The following ITFG1 variants were observed in gnomAD, a reference collection of about 807,000 sequenced individuals.
The protein encoded by ITFG1 is integrin alpha FG-GAP repeat containing 1.
ITFG1 carries 34 observed loss-of-function variants against 81.8 expected under a neutral mutation model. The observed-to-expected ratio is 0.42, with a 90% CI of 0.32 to 0.55. The LOEUF (loss-of-function observed/expected upper bound fraction) is 0.55, where lower values mean the gene tolerates loss of function less well. Among genes scored for constraint, ITFG1 ranks in the 20% least tolerant of loss-of-function variants. The probability of loss-of-function intolerance (pLI) is 0.17; values close to 1 mark genes in which losing one functional copy is unlikely to be tolerated. For missense variants in ITFG1, 672 were observed against 755.4 expected (o/e 0.89, Z 1.29); for synonymous variants, 285 against 270.6 (o/e 1.05, Z -0.52).
At chr16:47,294,735 T>C (rs1019128665) in intron 10 of ITFG1, among the ~76,000 whole-genome samples, 3 of 152,160 alleles carry the variant, frequency 2.0e-5, no homozygotes, top group Non-Finnish European at 4.4e-5. Flanking sequence ...ACTAGATTTG[T>C]TTATCAAAAC....
chr16:47,435,321 C>G (rs1477031780), intron 5 of ITFG1, among the ~76,000 whole-genome samples: 1 of 152,040 alleles, frequency 6.6e-6, no homozygotes, highest in African/African-American at 2.4e-5. Flanking sequence ...CATTTGAAGG[C>G]TAAGGTCACA....
chr16:47,363,887 C>A (rs1947383969), intron 8 of ITFG1, among the ~76,000 whole-genome samples: 1 of 152,052 alleles, frequency 6.6e-6, no homozygotes, highest in South Asian at 2.1e-4. Context: ...TTGGTACAGA[C>A]TTCTTGTCAC....
intron 13 of ITFG1, among the ~76,000 whole-genome samples, chr16:47,233,164 A>C (rs1965835498): frequency 1.3e-5 from 2 of 152,222 alleles, no homozygotes; most frequent in African/African-American, 4.8e-5. Context: ...TTGTCACTCT[A>C]GTTCTCATAA....
At chr16:47,352,465 T>C (rs959346535) in intron 8 of ITFG1, among the ~76,000 whole-genome samples, 1 of 152,118 alleles carries the variant, frequency 6.6e-6, no homozygotes, top group African/African-American at 2.4e-5. Context: ...AAAATGCTCA[T>C]CATCACTGGC....
chr16:47,339,884 AT>A (rs968144249), intron 8 of ITFG1, among the ~76,000 whole-genome samples: 2 of 152,088 alleles, frequency 1.3e-5, no homozygotes, highest in African/African-American at 4.8e-5. Context: ...TCCACATACG[AT>A]ACTCTCAAAG....
At chr16:47,395,533 ACT>A (rs1441895090) in intron 6 of ITFG1, among the ~76,000 whole-genome samples, 4 of 152,254 alleles carry the variant, frequency 2.6e-5, no homozygotes. Flanking sequence ...GAAAAAAGTA[ACT>A]AGTAAAAGTT....
At chr16:47,424,261 C>T in intron 6 of ITFG1, among the ~76,000 whole-genome samples, 1 of 152,146 alleles carries the variant, frequency 6.6e-6, no homozygotes, top group East Asian at 1.9e-4. Context: ...GTTCTCATGC[C>T]ATGGTTTTGC....
At chr16:47,376,053 A>G in intron 6 of ITFG1, 113 bp from the exon 7 acceptor site, 1 of 573,186 alleles carries the variant, frequency 1.7e-6, no homozygotes, top group Non-Finnish European at 3.1e-6. Flanking sequence ...CTACTTAAAC[A>G]TATTTTAAAT....
intron 10 of ITFG1, among the ~76,000 whole-genome samples, chr16:47,266,764 CGTA>C (rs1479443667): frequency 8.6e-5 from 13 of 152,004 alleles, no homozygotes; most frequent in Admixed American, 8.5e-4. Flanking sequence ...TGTTCATAGT[CGTA>C]GTATTTAAAG....
At chr16:47,309,108 G>A (rs534030020) in intron 10 of ITFG1, among the ~76,000 whole-genome samples, 16 of 142,544 alleles carry the variant, frequency 1.1e-4, no homozygotes, top group Admixed American at 6.7e-4. Flanking sequence ...TTGCTCTGTC[G>A]CCCAGGCTGG....
chr16:47,399,340 A>G (rs1041858072), intron 6 of ITFG1, among the ~76,000 whole-genome samples: 9 of 152,274 alleles, frequency 5.9e-5, no homozygotes, highest in Non-Finnish European at 1.0e-4. Flanking sequence ...TTGGGAGGCC[A>G]AGGCGGGCAG....
chr16:47,176,532 GA>G (rs1323914277), intron 14 of ITFG1, among the ~76,000 whole-genome samples: 1 of 152,196 alleles, frequency 6.6e-6, no homozygotes, highest in Non-Finnish European at 1.5e-5. Context: ...ACCTACAAAT[GA>G]TTTGGCCAGT....
intron 7 of ITFG1, among the ~76,000 whole-genome samples, chr16:47,371,904 C>T (rs1968259510): frequency 6.6e-6 from 1 of 151,210 alleles, no homozygotes. Flanking sequence ...TCTGGTTTTG[C>T]CACTCTCTCT....
At chr16:47,285,194 G>T (rs984526658) in intron 10 of ITFG1, among the ~76,000 whole-genome samples, 18 of 152,090 alleles carry the variant, frequency 1.2e-4, no homozygotes, top group African/African-American at 4.3e-4. Context: ...ACACTCCCAT[G>T]AGAGAGTCCC....
intron 14 of ITFG1, among the ~76,000 whole-genome samples, chr16:47,187,740 A>T (rs1397392672): frequency 5.9e-5 from 9 of 152,000 alleles, no homozygotes; most frequent in Non-Finnish European, 1.3e-4. Context: ...AGCAATGGCA[A>T]CAAAAGCCAA....
chr16:47,161,518 C>T, intron 16 of ITFG1: 1 of 348,350 alleles, frequency 2.9e-6, no homozygotes, highest in Non-Finnish European at 5.3e-6. Context: ...ATATAAATCC[C>T]TAATTAGTTA....
At chr16:47,214,659 T>C (rs1332721881) in intron 14 of ITFG1, among the ~76,000 whole-genome samples, 1 of 152,204 alleles carries the variant, frequency 6.6e-6, no homozygotes, top group East Asian at 1.9e-4. Context: ...GGAACTATTA[T>C]TTAGAAAATT....
chr16:47,425,719 AGTAGCTGGG>A (rs1294181570), intron 6 of ITFG1: 1 of 151,322 alleles, frequency 6.6e-6, no homozygotes, highest in African/African-American at 2.4e-5. Flanking sequence ...CAGCTTCTTG[AGTAGCTGGG>A]GTCACAGGCG....
chr16:47,409,404 ATTT>A (rs1187071917), intron 6 of ITFG1, among the ~76,000 whole-genome samples: 6 of 6,082 alleles, frequency 9.9e-4, no homozygotes, highest in African/African-American at 3.3e-3. Flanking sequence ...ATATATATAT[ATTT>A]TTTTTTTTTT....
Sources: gnomAD v4.1 joint callset for allele counts (sites outside exome capture counted in the v4.1 genomes callset) on GRCh38, gnomAD v4.1.1 for gene constraint, MANE v1.5 for transcripts, NCBI Gene and HGNC (gene_info 2026-07-23, HGNC 2026-07-21) for gene names.